NALF1: variants seen among roughly 807,000 people sequenced by gnomAD.
The protein encoded by NALF1 is NALCN channel auxiliary factor 1.
Under a neutral mutation model 48.4 loss-of-function variants are expected in NALF1, and 3 were observed. The observed-to-expected ratio is 0.06, with a 90% CI of 0.03 to 0.16. NALF1 has a LOEUF of 0.16. Ranked by LOEUF, NALF1 falls within the 10% of genes least tolerant of loss-of-function variation. The pLI is 1.00. For missense variants in NALF1, 526 were observed against 571.5 expected (o/e 0.92, Z 0.81); for synonymous variants, 262 against 245.7 (o/e 1.07, Z -0.62).
chr13:107,559,673 G>A (rs1321361554), intron 1 of NALF1, among the ~76,000 whole-genome samples: 2 of 152,094 alleles, frequency 1.3e-5, no homozygotes, highest in Admixed American at 1.3e-4. Flanking sequence ...GCCATGTAAC[G>A]AACTATCTAT....
intron 1 of NALF1, among the ~76,000 whole-genome samples, chr13:107,299,475 T>A (rs1481450654): frequency 9.3e-5 from 12 of 128,480 alleles, no homozygotes; most frequent in African/African-American, 3.3e-4. Flanking sequence ...TAATAATAAA[T>A]AAATAAATAA....
At chr13:107,645,933 C>T (rs1303842546) in intron 1 of NALF1, among the ~76,000 whole-genome samples, 5 of 152,094 alleles carry the variant, frequency 3.3e-5, no homozygotes. Flanking sequence ...TTCAGATGCT[C>T]GTTCTGACTC....
At chr13:107,855,331 C>G (rs1421149119) in intron 1 of NALF1, among the ~76,000 whole-genome samples, 4 of 152,340 alleles carry the variant, frequency 2.6e-5, no homozygotes, top group South Asian at 2.1e-4. Context: ...TGGCCCAACA[C>G]AAATTCACAA....
chr13:107,446,233 G>A (rs1042397757), intron 1 of NALF1, among the ~76,000 whole-genome samples: 2 of 152,058 alleles, frequency 1.3e-5, no homozygotes, highest in African/African-American at 4.8e-5. Context: ...CACTGCGCCC[G>A]GCTCACATTG....
chr13:107,186,587 C>T (rs1927769), intron 2 of NALF1, among the ~76,000 whole-genome samples: 3,333 of 152,172 alleles, frequency 0.022, 126 homozygotes, highest in African/African-American at 0.077. Context: ...AGGATGGTCT[C>T]GATCTCCTGA....
intron 1 of NALF1, among the ~76,000 whole-genome samples, chr13:107,798,964 A>G (rs1020769913): frequency 3.9e-5 from 6 of 152,212 alleles, no homozygotes; most frequent in Non-Finnish European, 8.8e-5. Context: ...TAAGCTCACA[A>G]GTGCCTTATA....
At chr13:107,287,315 T>A (rs1881515336) in intron 1 of NALF1, among the ~76,000 whole-genome samples, 1 of 152,206 alleles carries the variant, frequency 6.6e-6, no homozygotes, top group Non-Finnish European at 1.5e-5. Context: ...TAGTAATCAA[T>A]CTGGTTCCCT....
chr13:107,446,976 C>T (rs1884661060), intron 1 of NALF1, among the ~76,000 whole-genome samples: 1 of 152,220 alleles, frequency 6.6e-6, no homozygotes, highest in Admixed American at 6.5e-5. Flanking sequence ...ATGCTTAACA[C>T]CTAGCAGAGT....
intron 1 of NALF1, among the ~76,000 whole-genome samples, chr13:107,835,898 T>C (rs1879874443): frequency 1.3e-5 from 2 of 152,108 alleles, no homozygotes; most frequent in Admixed American, 1.3e-4. Context: ...CCCCACAGTC[T>C]AGATCATCAG....
At chr13:107,533,358 T>C (rs1490279801) in intron 1 of NALF1, among the ~76,000 whole-genome samples, 1 of 152,064 alleles carries the variant, frequency 6.6e-6, no homozygotes, top group Non-Finnish European at 1.5e-5. Flanking sequence ...ACAGGGCCCC[T>C]GGAAGGTGAT....
At chr13:107,381,546 C>T (rs1883440007) in intron 1 of NALF1, among the ~76,000 whole-genome samples, 2 of 152,090 alleles carry the variant, frequency 1.3e-5, no homozygotes, top group Non-Finnish European at 1.5e-5. Context: ...CCACCTGCAT[C>T]CCTACGCACC....
intron 1 of NALF1, among the ~76,000 whole-genome samples, chr13:107,736,752 G>T (rs1876479000): frequency 6.6e-6 from 1 of 152,164 alleles, no homozygotes; most frequent in Non-Finnish European, 1.5e-5. Context: ...GTGAATCAAA[G>T]ACTCATAGCT....
chr13:107,422,392 C>G (rs1331678397), intron 1 of NALF1, among the ~76,000 whole-genome samples: 2 of 151,966 alleles, frequency 1.3e-5, no homozygotes, highest in Non-Finnish European at 2.9e-5. Context: ...TTTAAACTAG[C>G]CAGAGAGAAA....
At chr13:107,708,588 A>C (rs768621897) in intron 1 of NALF1, among the ~76,000 whole-genome samples, 8 of 143,340 alleles carry the variant, frequency 5.6e-5, no homozygotes, top group Non-Finnish European at 1.1e-4. Context: ...CATTTTTGAA[A>C]ATCACAGAAG....
chr13:107,488,047 T>A (rs1203136527), intron 1 of NALF1, among the ~76,000 whole-genome samples: 4 of 152,072 alleles, frequency 2.6e-5, no homozygotes, highest in Non-Finnish European at 5.9e-5. Flanking sequence ...ATTTTCTAGT[T>A]TATATGCATA....
At chr13:107,740,836 A>G (rs1052242558) in intron 1 of NALF1, among the ~76,000 whole-genome samples, 1 of 152,206 alleles carries the variant, frequency 6.6e-6, no homozygotes, top group Non-Finnish European at 1.5e-5. Flanking sequence ...TGGAATCTCC[A>G]TTGGAAGGAA....
chr13:107,861,148 A>G (rs2138649934), intron 1 of NALF1, among the ~76,000 whole-genome samples: 1 of 152,356 alleles, frequency 6.6e-6, no homozygotes, highest in Middle Eastern at 3.4e-3. Flanking sequence ...GAAGATAAAA[A>G]ACATAAACCA....
chr13:107,639,998 T>C (rs1880106748), intron 1 of NALF1, among the ~76,000 whole-genome samples: 1 of 152,168 alleles, frequency 6.6e-6, no homozygotes, highest in Admixed American at 6.6e-5. Flanking sequence ...TCAAACATCA[T>C]CCAGGCAAAT....
intron 1 of NALF1, among the ~76,000 whole-genome samples, chr13:107,689,181 A>AG (rs768938072): frequency 5.3e-5 from 8 of 152,196 alleles, no homozygotes; most frequent in Non-Finnish European, 1.2e-4. Context: ...GCGCGCTAGT[A>AG]GGCAGATTCT....
Sources: allele counts gnomAD v4.1 joint callset (sites outside exome capture counted in the v4.1 genomes callset), GRCh38; gene constraint gnomAD v4.1.1; transcripts MANE v1.5; gene names NCBI Gene and HGNC (gene_info 2026-07-23, HGNC 2026-07-21).